The following FER variants were observed in gnomAD, a reference collection of about 807,000 sequenced individuals.
FER encodes FER tyrosine kinase.
In FER, 63 loss-of-function variants were observed where a neutral mutation model predicts 111.0. The ratio of observed to expected loss-of-function variants is 0.57; its 90% CI spans 0.46 to 0.70. The LOEUF (loss-of-function observed/expected upper bound fraction) is 0.70. FER is among the 30% of genes least tolerant of loss of function. The pLI is 0.00. For missense variants in FER, 914 were observed against 954.0 expected, an observed-to-expected ratio of 0.96 and a Z score of 0.55; for synonymous variants, 327 against 313.9, an observed-to-expected ratio of 1.04 and a Z score of -0.44.
intron 5 of FER, chr5:108,842,006 A>G (rs1166646684): frequency 1.2e-5 from 2 of 162,878 alleles, no homozygotes; most frequent in Non-Finnish European, 2.7e-5. Context: ...ATTTGATATT[A>G]AGGAAATCTT....
intron 1 of FER, among the ~76,000 whole-genome samples, chr5:108,767,613 T>C (rs527251203): frequency 6.6e-6 from 1 of 152,174 alleles, no homozygotes; most frequent in African/African-American, 2.4e-5. Context: ...TCTTCCCAAA[T>C]AGCTGAGACT....
At chr5:108,971,272 CA>C (rs201694196) in intron 13 of FER, among the ~76,000 whole-genome samples, 211 of 76,354 alleles carry the variant, frequency 2.8e-3, no homozygotes, top group Middle Eastern at 0.011. Context: ...GAACCTGTCT[CA>C]AAAAAAAAAA....
At chr5:109,103,749 G>T (rs1249550805) in intron 17 of FER, among the ~76,000 whole-genome samples, 1 of 152,074 alleles carries the variant, frequency 6.6e-6, no homozygotes, top group Non-Finnish European at 1.5e-5. Flanking sequence ...ACTTACAAAG[G>T]TATGTTACTA....
chr5:109,164,966 C>G (rs1756382250), intron 17 of FER, among the ~76,000 whole-genome samples: 1 of 152,084 alleles, frequency 6.6e-6, no homozygotes. Flanking sequence ...CCATCTCTTC[C>G]CCTTTTGTAG....
intron 3 of FER, chr5:108,830,638 A>G (rs1031523083): frequency 9.2e-5 from 14 of 152,194 alleles, no homozygotes; most frequent in Admixed American, 8.5e-4. Flanking sequence ...GTAATAGTCT[A>G]AGCCAGAGGT....
intron 3 of FER, among the ~76,000 whole-genome samples, chr5:108,824,727 T>C (rs1759259686): frequency 6.6e-6 from 1 of 152,196 alleles, no homozygotes; most frequent in African/African-American, 2.4e-5. Context: ...ATCCTACAAT[T>C]TTACAGAATT....
intron 16 of FER, among the ~76,000 whole-genome samples, chr5:109,086,529 C>G (rs1439114103): frequency 1.3e-5 from 2 of 151,314 alleles, no homozygotes; most frequent in Non-Finnish European, 3.0e-5. Flanking sequence ...TTGTTGATTG[C>G]TGCCCTTTAT....
intron 2 of FER, among the ~76,000 whole-genome samples, chr5:108,788,534 C>CTTTTTTTT (rs111580201): frequency 6.8e-6 from 1 of 146,218 alleles, no homozygotes; most frequent in South Asian, 2.2e-4. Context: ...ACACTAATAT[C>CTTTTTTTT]TTTTTTTTTT....
At chr5:108,803,697 C>T (rs1253531905) in intron 3 of FER, among the ~76,000 whole-genome samples, 1 of 150,508 alleles carries the variant, frequency 6.6e-6, no homozygotes, top group Admixed American at 6.6e-5. Context: ...GTCTATGTGT[C>T]TTTTTTTGTA....
intron 16 of FER, among the ~76,000 whole-genome samples, chr5:109,054,198 A>G (rs1038766828): frequency 6.6e-6 from 1 of 152,208 alleles, no homozygotes; most frequent in South Asian, 2.1e-4. Flanking sequence ...TAAATTTTTT[A>G]AGAAACTACC....
chr5:108,764,992 C>T (rs1752158470), intron 1 of FER, among the ~76,000 whole-genome samples: 2 of 152,054 alleles, frequency 1.3e-5, no homozygotes, highest in African/African-American at 4.8e-5. Context: ...TTTTGCATCA[C>T]CCTAGTCCCA....
chr5:109,007,841 TTCTAAAGTGGC>T (rs1330319046), intron 13 of FER, among the ~76,000 whole-genome samples: 1 of 152,220 alleles, frequency 6.6e-6, no homozygotes, highest in Non-Finnish European at 1.5e-5. Flanking sequence ...CCAAATTATT[TTCTAAAGTGGC>T]TCTGCTATTT....
intron 6 of FER, among the ~76,000 whole-genome samples, chr5:108,869,251 G>T (rs1764372588): frequency 6.6e-6 from 1 of 152,058 alleles, no homozygotes; most frequent in Non-Finnish European, 1.5e-5. Context: ...GGAAGTACAG[G>T]TTATATCCAG....
At chr5:108,900,935 T>C (rs1211716129) in intron 10 of FER, among the ~76,000 whole-genome samples, 1 of 152,190 alleles carries the variant, frequency 6.6e-6, no homozygotes. Flanking sequence ...CCAAAACTCA[T>C]GTGGAAATTT....
In FER at chr5:109,000,569, C is replaced by T. The variant is rs1020051883; in HGVS notation, c.1657-36853C>T. On this transcript the variant is annotated intron_variant, in intron 13 of 19. Transcript: ENST00000281092. Reference sequence around the variant, plus strand: ...GAAAGCAGGAAAGATCTAAAATTGACACCCTAACATCACAATTAAAAGAAC... The same window carrying T: ...GAAAGCAGGAAAGATCTAAAATTGATACCCTAACATCACAATTAAAAGAAC... Among the ~76,000 whole-genome samples, 67 of 152,104 alleles carry T rather than the reference C, an allele frequency of 4.4e-4. 1 individual carries two copies. Among genetic ancestry groups the T allele is most frequent in the African/African-American group, 1.5e-3 (62 of 41,498 alleles).
intron 17 of FER, among the ~76,000 whole-genome samples, chr5:109,174,829 A>G (rs1165450555): frequency 1.3e-5 from 2 of 152,188 alleles, no homozygotes; most frequent in African/African-American, 4.8e-5. Context: ...CTGAAAGAGA[A>G]TTATTAGCTA....
At chr5:109,185,186 C>T (rs1045878217) in intron 18 of FER, among the ~76,000 whole-genome samples, 1 of 152,154 alleles carries the variant, frequency 6.6e-6, no homozygotes, top group African/African-American at 2.4e-5. Flanking sequence ...CTTTGTGCTT[C>T]TCTAGGAGAC....
chr5:109,048,726 C>G (rs549209921), intron 16 of FER, among the ~76,000 whole-genome samples: 1 of 152,228 alleles, frequency 6.6e-6, no homozygotes, highest in Middle Eastern at 3.4e-3. Flanking sequence ...AATTATATCT[C>G]AAAGCTAATT....
chr5:108,817,874 T>G (rs1345528323), intron 3 of FER, among the ~76,000 whole-genome samples: 2 of 152,216 alleles, frequency 1.3e-5, no homozygotes, highest in South Asian at 2.1e-4. Flanking sequence ...TGTATTAATC[T>G]TAGTATAACT....
Sources: allele counts gnomAD v4.1 joint callset (sites outside exome capture counted in the v4.1 genomes callset), GRCh38; gene constraint gnomAD v4.1.1; transcripts MANE v1.5; gene names NCBI Gene and HGNC (gene_info 2026-07-23, HGNC 2026-07-21).